FSTL4: variants seen among roughly 807,000 people sequenced by gnomAD.
FSTL4 encodes follistatin-related protein 4.
FSTL4 carries 28 observed loss-of-function variants against 78.2 expected under a neutral mutation model. The ratio of observed to expected loss-of-function variants is 0.36; its 90% CI spans 0.27 to 0.49. FSTL4 has a LOEUF of 0.49. Among genes scored for constraint, FSTL4 ranks in the 20% least tolerant of loss-of-function variants. The probability of loss-of-function intolerance (pLI) is 0.98; values close to 1 mark genes in which losing one functional copy is unlikely to be tolerated. For synonymous variants in FSTL4, 422 were observed against 440.5 expected (o/e 0.96, Z 0.53); for missense variants, 922 against 1,084.9 (o/e 0.85, Z 2.11).
the FSTL4 span, among the ~76,000 whole-genome samples, chr5:133,666,610 C>G: frequency 5.2e-4 from 79 of 152,160 alleles, no homozygotes; most frequent in African/African-American, 1.8e-3. Flanking sequence ...TTTCCAGAAC[C>G]CTGGTGGCTT....
intron 3 of FSTL4, among the ~76,000 whole-genome samples, chr5:133,512,952 G>A (rs977990414): frequency 6.6e-6 from 1 of 152,128 alleles, no homozygotes; most frequent in Non-Finnish European, 1.5e-5. Context: ...TGAGTAGCTG[G>A]GACTACAGGC....
rs530098939 is a variant in FSTL4 at position 133,396,450 on chromosome 5, C to CT, written c.409+4287dup. ...CTGATGCTTCCACAGGCCCCAGCAC[C>CT]TCTTGCTATAGGGACTGCTCCAGCA... On this transcript the variant is annotated intron_variant, in intron 4 of 15. Transcript: ENST00000265342. 6.0e-3 allele frequency among the ~76,000 whole-genome samples: 913 copies of CT among 152,322 alleles called. 8 individuals carry two copies. The highest frequency in any genetic ancestry group is 0.02 in the African/African-American group (846 of 41,560).
chr5:133,389,926 A>C (rs1353976592), intron 4 of FSTL4, among the ~76,000 whole-genome samples: 1 of 152,246 alleles, frequency 6.6e-6, no homozygotes, highest in Non-Finnish European at 1.5e-5. Context: ...AGAGATGTAC[A>C]GGTGTATTGG....
chr5:133,478,793 G>A (rs1757969006), intron 3 of FSTL4, among the ~76,000 whole-genome samples: 1 of 152,038 alleles, frequency 6.6e-6, no homozygotes, highest in Non-Finnish European at 1.5e-5. Flanking sequence ...AGGCCTCTGC[G>A]ATGACCCGGA....
the FSTL4 span, among the ~76,000 whole-genome samples, chr5:133,645,215 T>C: frequency 6.6e-6 from 1 of 152,142 alleles, no homozygotes; most frequent in Admixed American, 6.6e-5. Flanking sequence ...TCCTCCCCAG[T>C]GGGTGATGCA....
the FSTL4 span, among the ~76,000 whole-genome samples, chr5:133,805,846 C>A: frequency 6.6e-6 from 1 of 152,204 alleles, no homozygotes; most frequent in South Asian, 2.1e-4. Flanking sequence ...CCAGACTTCT[C>A]AGCTCTGGGT....
intron 3 of FSTL4, among the ~76,000 whole-genome samples, chr5:133,439,553 C>T (rs1317609134): frequency 6.6e-6 from 1 of 152,196 alleles, no homozygotes; most frequent in Non-Finnish European, 1.5e-5. Context: ...AAACGCCTTG[C>T]CTTCATCCCT....
chr5:133,401,790 C>T (rs1284281665), intron 3 of FSTL4, among the ~76,000 whole-genome samples: 1 of 152,158 alleles, frequency 6.6e-6, no homozygotes, highest in African/African-American at 2.4e-5. Flanking sequence ...AAGACTCCCC[C>T]AGCCGCCCTG....
chr5:133,670,304 G>C, the FSTL4 span, among the ~76,000 whole-genome samples: 1 of 152,198 alleles, frequency 6.6e-6, no homozygotes, highest in Non-Finnish European at 1.5e-5. Flanking sequence ...AGGACCTCTG[G>C]ATCCTTAATT....
the FSTL4 span, among the ~76,000 whole-genome samples, chr5:133,713,815 C>T: frequency 2.0e-5 from 3 of 152,164 alleles, no homozygotes; most frequent in Admixed American, 6.5e-5. Context: ...TTTCTTCCAA[C>T]GTTGAAACTA....
chr5:133,816,112 G>T, the FSTL4 span, among the ~76,000 whole-genome samples: 1 of 152,218 alleles, frequency 6.6e-6, no homozygotes, highest in Non-Finnish European at 1.5e-5. Context: ...GAGGAGACCT[G>T]AGTGAAGTAG....
chr5:133,815,776 C>T, the FSTL4 span, among the ~76,000 whole-genome samples: 1 of 152,216 alleles, frequency 6.6e-6, no homozygotes, highest in African/African-American at 2.4e-5. Flanking sequence ...TATCCACAGG[C>T]GGGAAAGTTT....
At chr5:133,322,423 C>A (rs763424527) in intron 4 of FSTL4, among the ~76,000 whole-genome samples, 17 of 152,172 alleles carry the variant, frequency 1.1e-4, no homozygotes, top group South Asian at 4.1e-4. Flanking sequence ...TGGGCTCCCC[C>A]AAAGCAGTCC....
intron 8 of FSTL4, among the ~76,000 whole-genome samples, 166 bp downstream of exon 8, chr5:133,233,251 G>T (rs545596454): frequency 6.6e-6 from 1 of 152,358 alleles, no homozygotes; most frequent in South Asian, 2.1e-4. Flanking sequence ...TTGGTCAACA[G>T]ACTTTGCCCT....
chr5:133,500,499 T>C (rs1758470568), intron 3 of FSTL4, among the ~76,000 whole-genome samples: 1 of 152,074 alleles, frequency 6.6e-6, no homozygotes, highest in Non-Finnish European at 1.5e-5. Context: ...TTTCCATGGG[T>C]CCTGTTAGAC....
At chr5:133,657,172 G>A in the FSTL4 span, among the ~76,000 whole-genome samples, 1 of 152,194 alleles carries the variant, frequency 6.6e-6, no homozygotes, top group Non-Finnish European at 1.5e-5. Context: ...CCGCTACGCT[G>A]TGCTGTAACC....
chr5:133,581,915 C>T (rs1228423637), intron 2 of FSTL4, among the ~76,000 whole-genome samples: 2 of 152,240 alleles, frequency 1.3e-5, no homozygotes, highest in Non-Finnish European at 2.9e-5. Context: ...TGCCCAGCTG[C>T]CTCAGACAAA....
intron 5 of FSTL4, among the ~76,000 whole-genome samples, chr5:133,313,690 T>C (rs1254613385): frequency 6.6e-6 from 1 of 152,174 alleles, no homozygotes; most frequent in Non-Finnish European, 1.5e-5. Flanking sequence ...CTTGGTCTGC[T>C]GTATTAAAGG....
At chr5:133,235,126 G>A (rs930846191) in intron 7 of FSTL4, among the ~76,000 whole-genome samples, 29 of 152,188 alleles carry the variant, frequency 1.9e-4, no homozygotes, top group African/African-American at 6.7e-4. Flanking sequence ...CTGAAATGCT[G>A]ATGTTCTCTC....
Sources: gnomAD v4.1 joint callset for allele counts (sites outside exome capture counted in the v4.1 genomes callset) on GRCh38, gnomAD v4.1.1 for gene constraint, MANE v1.5 for transcripts, NCBI Gene and HGNC (gene_info 2026-07-23, HGNC 2026-07-21) for gene names.